Variants in EML2 observed in about 807,000 individuals in gnomAD.
The protein encoded by EML2 is EMAP like 2.
A neutral mutation model predicts 84.7 loss-of-function variants in EML2; 59 were observed. That is an observed-to-expected ratio of 0.70 (90% confidence interval 0.56 to 0.86). The LOEUF is 0.86. EML2 is among the 40% of genes least tolerant of loss of function. The pLI is 0.00. For synonymous variants in EML2, 352 were observed against 348.9 expected (o/e 1.01, Z -0.10); for missense variants, 818 against 855.6 (o/e 0.96, Z 0.55).
chr19:45,621,336 G>T lies in EML2; in HGVS notation c.997-4C>A. ...CAGGGCCAAAGTCCTCAGGGACCTG[G>T]GTGGACAGATAAGAGGGAAGATGAG... is the stretch of plus-strand genomic sequence containing the variant. On this transcript the variant is annotated splice_polypyrimidine_tract_variant and splice_region_variant and intron_variant, in intron 10 of 18. Coordinates refer to ENST00000245925, the MANE Select transcript of EML2 (RefSeq NM_012155.4). 6.3e-7 allele frequency: 1 copy of T among 1,599,444 alleles called. No homozygotes were observed. Among genetic ancestry groups the T allele is most frequent in the African/African-American group, 1.3e-5 (1 of 74,806 alleles).
Position 45,629,982 on chromosome 19 carries a change from C to A in EML2, c.575G>T (p.Trp192Leu). ...ATCCACCACCTTGGTCTCCTTGGCCCAGTCCCACACCGAGAGCATGTGATC... is the reference window on the plus strand; with the variant it reads ...ATCCACCACCTTGGTCTCCTTGGCCAAGTCCCACACCGAGAGCATGTGATC... ...SNDHMLSVWDWAKETKVVDVK... is the reference protein window; with the variant it reads ...SNDHMLSVWDLAKETKVVDVK... The change falls in exon 7 of 19, where the codon TGG becomes TTG. Residue 192 changes from tryptophan to leucine, a missense_variant. By Grantham distance (61) the Trp-to-Leu change is moderately conservative (BLOSUM62 -2). Coordinates refer to ENST00000245925, the MANE Select transcript of EML2 (RefSeq NM_012155.4). The A allele has an allele frequency of 6.2e-7, 1 of 1,613,602 alleles. No homozygotes were observed. The highest frequency in any genetic ancestry group is 8.5e-7 in the Non-Finnish European group (1 of 1,179,708).
At position 45,634,662 on chromosome 19, in the gene EML2, T is replaced by A. The variant is rs532856547; in HGVS notation, c.180-191A>T. ...CTGCAAGCTCCGCCTCCTGGGTTCA[T>A]GCCATTCTCCTGCCTCAGCCTCCTG... On this transcript the variant is annotated intron_variant, in intron 3 of 18. Coordinates refer to ENST00000245925, the MANE Select transcript of EML2 (RefSeq NM_012155.4). 2.1e-3 allele frequency among the ~76,000 whole-genome samples: 316 copies of A among 150,710 alleles called. 1 individual carries two copies. The highest frequency in any genetic ancestry group is 7.1e-3 in the African/African-American group (290 of 41,008).
chr19:45,619,953 A>C (rs2122652138), intron 11 of EML2, among the ~76,000 whole-genome samples: 1 of 152,200 alleles, frequency 6.6e-6, no homozygotes, highest in African/African-American at 2.4e-5. Context: ...TGGGAGGCTG[A>C]GGCAGGAGGA....
intron 7 of EML2, 22 bp from the exon 8 acceptor site, chr19:45,626,861 C>A (rs779649988): frequency 6.3e-7 from 1 of 1,591,078 alleles, no homozygotes; most frequent in Non-Finnish European, 8.6e-7. Context: ...GGGGGAGATT[C>A]TGAATGAGGA....
upstream of EML2, chr19:45,641,779 C>G (rs1048227592): frequency 2.0e-6 from 3 of 1,533,114 alleles, no homozygotes; most frequent in Non-Finnish European, 1.7e-6. Flanking sequence ...GGGGGCAGAG[C>G]CTTCTAGGCC....
chr19:45,615,527 A>G (rs1037379758), intron 16 of EML2, among the ~76,000 whole-genome samples: 12 of 128,824 alleles, frequency 9.3e-5, no homozygotes, highest in African/African-American at 4.3e-4. Context: ...CAAAATAATA[A>G]TAATAATAAT....
chr19:45,613,876 G>C (rs2122602772), intron 17 of EML2, among the ~76,000 whole-genome samples: 1 of 152,232 alleles, frequency 6.6e-6, no homozygotes, highest in East Asian at 1.9e-4. Flanking sequence ...GGTGATCTTA[G>C]AAGAAAGCCT....
intron 6 of EML2, among the ~76,000 whole-genome samples, chr19:45,631,884 ATTT>A (rs755529171): frequency 3.3e-5 from 3 of 90,330 alleles, no homozygotes; most frequent in Admixed American, 1.4e-4. Flanking sequence ...GCTAATTAGA[ATTT>A]TTTTTTTTTT....
chr19:45,621,711 C>G (rs1971738254), intron 9 of EML2, 74 bp from the exon 10 acceptor site: 1 of 1,468,930 alleles, frequency 6.8e-7, no homozygotes, highest in Non-Finnish European at 9.2e-7. Context: ...ATCTTGAACT[C>G]TCAAGCCTAT....
chr19:45,617,800 TC>T, intron 12 of EML2, 103 bp from the exon 13 acceptor site: 3 of 964,682 alleles, frequency 3.1e-6, no homozygotes, highest in South Asian at 3.3e-5. Context: ...ATGAGGGCTC[TC>T]CCCTCCCTCT....
chr19:45,628,093 C>T lies in EML2; in HGVS notation c.607-1254G>A, dbSNP rs145003855. Among the ~76,000 whole-genome samples, 19 of 143,422 alleles carry T rather than the reference C, an allele frequency of 1.3e-4. No individual in the cohort carries two copies. In the East Asian group the frequency reaches 3.1e-3, roughly 24 times the overall value. 94.1% of individuals were successfully genotyped at this position (143,422 alleles called of 152,430 possible). A position where few individuals can be genotyped will look rare whatever the true frequency, so the allele number is the denominator to read the frequency against. Reference sequence around the variant, plus strand: ...AAAAAAAGTGAGGCTCAGAGAGGGCCGGGTGTAGTGGCTCACACCTGTAAT... The same window carrying T: ...AAAAAAAGTGAGGCTCAGAGAGGGCTGGGTGTAGTGGCTCACACCTGTAAT... On this transcript the variant is annotated intron_variant, in intron 7 of 18. Coordinates refer to ENST00000245925, the MANE Select transcript of EML2 (RefSeq NM_012155.4).
intron 3 of EML2, among the ~76,000 whole-genome samples, chr19:45,637,643 C>A (rs1349587462): frequency 1.7e-5 from 2 of 116,502 alleles, no homozygotes; most frequent in African/African-American, 3.2e-5. Context: ...CCATGGCTGG[C>A]TATTTTTTTT....
intron 6 of EML2, among the ~76,000 whole-genome samples, chr19:45,631,961 G>C (rs1028606450): frequency 1.5e-5 from 2 of 136,966 alleles, no homozygotes; most frequent in Non-Finnish European, 3.1e-5. Context: ...GCGCGATCTC[G>C]GCGGCTCACT....
intron 9 of EML2, among the ~76,000 whole-genome samples, chr19:45,622,736 A>G (rs1051067196): frequency 1.3e-5 from 2 of 152,060 alleles, no homozygotes; most frequent in Non-Finnish European, 2.9e-5. Context: ...CAATCTAATA[A>G]AGACAATTTT....
intron 6 of EML2, 174 bp downstream of exon 6, chr19:45,632,687 G>C: frequency 1.7e-6 from 1 of 597,814 alleles, no homozygotes; most frequent in South Asian, 2.0e-5. Context: ...GGGCGGGCAC[G>C]GTGACTCACC....
chr19:45,626,611 C>A, intron 8 of EML2, 94 bp downstream of exon 8: 2 of 1,440,222 alleles, frequency 1.4e-6, no homozygotes, highest in Non-Finnish European at 1.9e-6. Context: ...TAATCCCAAA[C>A]CCCTGCCACC....
At chr19:45,634,118 GA>G (rs1453167669) in intron 4 of EML2, among the ~76,000 whole-genome samples, 6 of 152,100 alleles carry the variant, frequency 3.9e-5, no homozygotes, top group Non-Finnish European at 7.3e-5. Flanking sequence ...TAAAACACCT[GA>G]AATATTGAAA....
chr19:45,609,909 T>C, intron 18 of EML2, 121 bp from the exon 19 acceptor site: 2 of 1,227,384 alleles, frequency 1.6e-6, no homozygotes, highest in Non-Finnish European at 2.2e-6. Context: ...TTTTAATCAC[T>C]TAGAGTGAAG....
At chr19:45,615,341 CA>C (rs67284307) in intron 16 of EML2, among the ~76,000 whole-genome samples, 37,314 of 134,888 alleles carry the variant, frequency 0.28, 5,432 homozygotes, top group East Asian at 0.39. Context: ...ACTCCCATCT[CA>C]AAAAAAAAAA....
Sources: gnomAD v4.1 joint callset for allele counts (sites outside exome capture counted in the v4.1 genomes callset) on GRCh38, gnomAD v4.1.1 for gene constraint, MANE v1.5 for transcripts, NCBI Gene and HGNC (gene_info 2026-07-23, HGNC 2026-07-21) for gene names.